COMT: variants seen among roughly 807,000 people sequenced by gnomAD.
COMT encodes the protein catechol-O-methyltransferase, also known as catechol O-methyltransferase.
Under a neutral mutation model 18.9 loss-of-function variants are expected in COMT, and 13 were observed. The observed-to-expected ratio is 0.69, with a 90% CI of 0.45 to 1.09. The LOEUF (loss-of-function observed/expected upper bound fraction) is 1.09, where lower values mean the gene tolerates loss of function less well. Among genes scored for constraint, COMT ranks in the 50% least tolerant of loss-of-function variants. The pLI, the probability that COMT is intolerant of heterozygous loss-of-function variation, is 0.00. For missense variants in COMT, 329 were observed against 361.8 expected, an observed-to-expected ratio of 0.91 and a Z score of 0.73; for synonymous variants, 150 against 160.9, an observed-to-expected ratio of 0.93 and a Z score of 0.51.
intron 1 of COMT, among the ~76,000 whole-genome samples, chr22:19,956,137 C>CTTTTTTTTT (rs71186638): frequency 2.4e-3 from 201 of 84,830 alleles, no homozygotes; most frequent in African/African-American, 3.2e-3. Flanking sequence ...TTCTTTTTTT[C>CTTTTTTTTT]TTTTTTTTTT....
At chr22:19,967,280 C>T (rs1444924167) in intron 5 of COMT, 2 of 1,179,314 alleles carry the variant, frequency 1.7e-6, no homozygotes, top group Admixed American at 2.3e-5. Flanking sequence ...GCCCCTCACT[C>T]ATGCATTCCC....
intron 1 of COMT, chr22:19,951,496 T>G (rs1040292129): frequency 3.3e-5 from 5 of 151,984 alleles, no homozygotes; most frequent in African/African-American, 7.3e-5. Flanking sequence ...AATCAAACCA[T>G]GTGACTCCCG....
chr22:19,952,843 C>T (rs1941974759), intron 1 of COMT, among the ~76,000 whole-genome samples: 1 of 147,220 alleles, frequency 6.8e-6, no homozygotes, highest in Non-Finnish European at 1.5e-5. Context: ...CCCAGCTACT[C>T]AGGAGGCTGA....
chr22:19,946,502 A>G (rs174674), intron 1 of COMT, among the ~76,000 whole-genome samples: 102,550 of 151,956 alleles, frequency 0.67, 34,855 homozygotes, highest in Middle Eastern at 0.77. Context: ...AAAGAAATAA[A>G]GAAATGCTGT....
In COMT at chr22:19,941,871, A is replaced by C. The variant is rs569697628; in HGVS notation, c.-118A>C. 39 of 1,401,350 alleles carry C rather than the reference A, an allele frequency of 2.8e-5. No individual in the cohort carries two copies. In the South Asian group the frequency reaches 5.3e-4, roughly 19 times the overall value. 86.8% of individuals were successfully genotyped at this position (1,401,350 alleles called of 1,614,324 possible). ...GCCTGCGCCGGACCGGGGCGGGTCC[A>C]GTCCCGGGCGGGCCGTCGCGGGAGA... On this transcript the variant is annotated 5_prime_UTR_variant, in exon 1 of 6. Coordinates refer to ENST00000361682, the MANE Select transcript of COMT (RefSeq NM_000754.4).
chr22:19,958,665 A>C (rs556696903), intron 1 of COMT, among the ~76,000 whole-genome samples: 8 of 140,106 alleles, frequency 5.7e-5, no homozygotes, highest in East Asian at 2.2e-4. Context: ...GGAGCACTTG[A>C]GCTCAGGAGA....
intron 5 of COMT, chr22:19,967,167 C>T (rs900278707): frequency 7.3e-5 from 95 of 1,303,766 alleles, no homozygotes; most frequent in Non-Finnish European, 9.5e-5. Flanking sequence ...CGTGCAGGTG[C>T]AGTGGTCTGG....
At chr22:19,944,621 G>C (rs904755986) in intron 1 of COMT, among the ~76,000 whole-genome samples, 1 of 152,252 alleles carries the variant, frequency 6.6e-6, no homozygotes, top group South Asian at 2.1e-4. Flanking sequence ...TCAGGAGATC[G>C]AGACCATCCT....
rs752735911 is a variant in COMT, at chr22:19,968,744, C to CG, written c.*8_*9insG. 3.3e-5 allele frequency: 53 copies of CG among 1,608,582 alleles called. No individual in the cohort carries two copies. Among genetic ancestry groups the CG allele is most frequent in the East Asian group, 4.5e-5 (2 of 44,856 alleles). On this transcript the variant is annotated 3_prime_UTR_variant, in exon 6 of 6. Coordinates refer to ENST00000361682, the MANE Select transcript of COMT (RefSeq NM_000754.4). ...AGCGAAGCAGGGCCCTGACTGCCCC[C>CG]CCGGCCCCCCTCTCGGGCTCTCTCA...
Position 19,969,095 on chromosome 22 carries a change from C to G in COMT, c.*359C>G. The G allele has an allele frequency of 4.1e-6, 1 of 241,480 alleles. No individual in the cohort carries two copies. Among genetic ancestry groups the G allele is most frequent in the Non-Finnish European group, 8.3e-6 (1 of 120,044 alleles). The allele number at this position is 241,480 out of a possible 1,614,324, so 15.0% of individuals were successfully genotyped here. ...GCCCTTGACTTGGGCACCAAACATTCAAAGCTCCCCTTGACGGACGCTAAC... is the reference window on the plus strand; with the variant it reads ...GCCCTTGACTTGGGCACCAAACATTGAAAGCTCCCCTTGACGGACGCTAAC... On this transcript the variant is annotated 3_prime_UTR_variant, in exon 6 of 6. Transcript: ENST00000361682.
At chr22:19,957,935 T>C (rs928817981) in intron 1 of COMT, among the ~76,000 whole-genome samples, 72 of 152,300 alleles carry the variant, frequency 4.7e-4, no homozygotes, top group African/African-American at 1.7e-3. Flanking sequence ...TTATTATCCA[T>C]TCAGGTGCTA....
chr22:19,963,417 G>T (rs531738788), intron 3 of COMT, 149 bp from the exon 4 acceptor site: 1 of 861,570 alleles, frequency 1.2e-6, no homozygotes, highest in Non-Finnish European at 1.8e-6. Context: ...CCCCTCCAGC[G>T]GGTAGGGAGG....
chr22:19,968,814 C>A lies in COMT; in HGVS notation c.*78C>A. The A allele has an allele frequency of 7.1e-7, 1 of 1,405,548 alleles. No individual in the cohort carries two copies. The allele number at this position is 1,405,548 out of a possible 1,614,324, so 87.1% of individuals were successfully genotyped here. On this transcript the variant is annotated 3_prime_UTR_variant, in exon 6 of 6. Coordinates refer to ENST00000361682, the MANE Select transcript of COMT (RefSeq NM_000754.4). ...TGCCAGACGTGCTCCTGCTGACCTT[C>A]TGCGGCTCCGGGCTGTGTCCTAAAT...
intron 1 of COMT, among the ~76,000 whole-genome samples, chr22:19,946,380 C>G (rs9332327): frequency 6.6e-6 from 1 of 151,982 alleles, no homozygotes; most frequent in South Asian, 2.1e-4. Context: ...CCCAACTACT[C>G]GGGAGGCTGA....
chr22:19,962,317 C>A, intron 2 of COMT: 1 of 764,426 alleles, frequency 1.3e-6, no homozygotes, highest in Non-Finnish European at 2.1e-6. Flanking sequence ...GAGGCACACA[C>A]CTGCTCTGTC....
chr22:19,965,170 T>C (rs1405513647), intron 5 of COMT: 1 of 154,536 alleles, frequency 6.5e-6, no homozygotes, highest in Non-Finnish European at 1.4e-5. Flanking sequence ...CCAGGAACAA[T>C]GGGAGTCAGG....
rs201835143 is a variant in COMT at position 19,963,747 on chromosome 22, C to T, written c.471C>T (p.Gly157=). 27 of 1,611,950 alleles carry T rather than the reference C, an allele frequency of 1.7e-5. No individual in the cohort carries two copies. The East Asian group carries it at 4.9e-4, about 29-fold the overall frequency. Residue 157 remains glycine (G), a synonymous_variant, in exon 4 of 6, where the codon GGC becomes GGT. Coordinates refer to ENST00000361682, the MANE Select transcript of COMT (RefSeq NM_000754.4). ...CCCAGCGGATGGTGGATTTCGCTGGCGTGAAGGACAAGGTGTGCATGCCTG... is the reference window on the plus strand; with the variant it reads ...CCCAGCGGATGGTGGATTTCGCTGGTGTGAAGGACAAGGTGTGCATGCCTG... ...AITQRMVDFA[G]VKDKVTLVVG... is the part of the protein sequence containing the mutation.
chr22:19,957,493 A>G (rs1425017757), intron 1 of COMT, among the ~76,000 whole-genome samples: 2 of 152,250 alleles, frequency 1.3e-5, no homozygotes, highest in East Asian at 3.8e-4. Context: ...ACCAGGTGAC[A>G]GAGGTGATGG....
At chr22:19,949,411 T>C (rs541221832) in intron 1 of COMT, among the ~76,000 whole-genome samples, 2 of 152,306 alleles carry the variant, frequency 1.3e-5, no homozygotes, top group East Asian at 3.9e-4. Flanking sequence ...CTTTTTGTAA[T>C]TTTACTTCAG....
Sources: allele counts gnomAD v4.1 joint callset (sites outside exome capture counted in the v4.1 genomes callset), GRCh38; gene constraint gnomAD v4.1.1; transcripts MANE v1.5; gene names NCBI Gene and HGNC (gene_info 2026-07-23, HGNC 2026-07-21).